POU3F3: variants seen among roughly 807,000 people sequenced by gnomAD.
POU3F3 encodes the protein POU class 3 homeobox 3.
A neutral mutation model predicts 8.6 loss-of-function variants in POU3F3; 1 was observed. That is an observed-to-expected ratio of 0.12 (90% CI 0.04 to 0.55). POU3F3 has a LOEUF of 0.55. Ranked by LOEUF, POU3F3 falls within the 20% of genes least tolerant of loss-of-function variation. The pLI is 0.91. For synonymous variants in POU3F3, 418 were observed against 327.4 expected, an observed-to-expected ratio of 1.28 and a Z score of -2.99; for missense variants, 577 against 690.7, an observed-to-expected ratio of 0.84 and a Z score of 1.84.
the POU3F3 span, among the ~76,000 whole-genome samples, chr2:104,880,291 T>A: frequency 6.6e-6 from 1 of 152,216 alleles, no homozygotes; most frequent in Non-Finnish European, 1.5e-5. Context: ...TCACGTAGTC[T>A]GCAACAATGC....
chr2:104,876,809 G>A, the POU3F3 span, among the ~76,000 whole-genome samples: 4 of 152,326 alleles, frequency 2.6e-5, no homozygotes, highest in South Asian at 8.3e-4. Context: ...GCAAGCCTTG[G>A]CAGAGACCTC....
At chr2:104,870,742 C>G in the POU3F3 span, among the ~76,000 whole-genome samples, 1 of 152,150 alleles carries the variant, frequency 6.6e-6, no homozygotes, top group South Asian at 2.1e-4. Context: ...GAAATTTATT[C>G]CCTTCCTCCC....
At chr2:104,861,729 C>T (rs190057062), downstream of POU3F3, among the ~76,000 whole-genome samples, 303 of 152,334 alleles carry the variant, frequency 2.0e-3, 3 homozygotes, top group Non-Finnish European at 3.9e-3. Context: ...GTTGTTGTTG[C>T]TGCTGCTGCT....
the POU3F3 span, among the ~76,000 whole-genome samples, chr2:104,918,576 C>T: frequency 6.6e-6 from 1 of 152,136 alleles, no homozygotes; most frequent in Non-Finnish European, 1.5e-5. Flanking sequence ...ACAAGGAAGA[C>T]AGACATGGTG....
chr2:104,872,724 A>C, the POU3F3 span: 3 of 209,246 alleles, frequency 1.4e-5, no homozygotes, highest in Middle Eastern at 1.9e-3. This position sits in a 1 kb window ranked among gnomAD's most constrained non-coding sequence, Gnocchi z 4.6. Context: ...CGCGCGGGAA[A>C]GTTCACAGCC....
chr2:104,919,866 G>A, the POU3F3 span, among the ~76,000 whole-genome samples: 1 of 147,540 alleles, frequency 6.8e-6, no homozygotes, highest in Admixed American at 6.8e-5. Context: ...CTCTCTCATT[G>A]TCTGGCTTTG....
At position 104,856,499 on chromosome 2, in the gene POU3F3, A is replaced by G; in HGVS notation, c.989A>G (p.Lys330Arg). Reference sequence around the variant, plus strand: ...CTGGAGCAGTTCGCCAAGCAGTTCAAGCAGCGGCGCATCAAGCTGGGCTTC... The same window carrying G: ...CTGGAGCAGTTCGCCAAGCAGTTCAGGCAGCGGCGCATCAAGCTGGGCTTC... ...DDLEQFAKQF[K>R]QRRIKLGFTQ... Residue 330 changes from lysine to arginine, a missense_variant, in exon 1 of 1, where the codon AAG becomes AGG. By Grantham distance (26) the Lys-to-Arg change is conservative. This residue lies in a region of POU3F3 where 20 missense variants were observed against 107.7 expected (regional missense o/e 0.19). Coordinates refer to ENST00000361360, the MANE Select transcript of POU3F3 (RefSeq NM_006236.3). The G allele has an allele frequency of 6.2e-7, 1 of 1,613,800 alleles. No homozygotes were observed. The highest frequency in any genetic ancestry group is 8.5e-7 in the Non-Finnish European group (1 of 1,179,972).
chr2:104,856,296 G>A lies in POU3F3; in HGVS notation c.786G>A (p.Gly262=), dbSNP rs1021865933. 1.7e-5 allele frequency: 25 copies of A among 1,486,058 alleles called. No homozygotes were observed. The African/African-American group carries it at 2.7e-4, about 16-fold the overall frequency. 92.1% of individuals were successfully genotyped at this position (1,486,058 alleles called of 1,614,324 possible). Residue 262 remains glycine (G), a synonymous_variant, in exon 1 of 1, where the codon GGG becomes GGA. Transcript: ENST00000361360. Reference sequence around the variant, plus strand: ...TGGTGCACCCGGGGCTGGTGCGCGGGGACACGCCAGAGCTGGCCGAGCACC... The same window carrying A: ...TGGTGCACCCGGGGCTGGTGCGCGGAGACACGCCAGAGCTGGCCGAGCACC... ...QSLVHPGLVR[G]DTPELAEHHH...
At chr2:104,915,268 C>T in the POU3F3 span, among the ~76,000 whole-genome samples, 3 of 152,134 alleles carry the variant, frequency 2.0e-5, no homozygotes. Flanking sequence ...ACGGTAAGTC[C>T]TGAAGTTCAG....
the POU3F3 span, chr2:104,866,869 T>C: frequency 6.6e-6 from 1 of 152,274 alleles, no homozygotes; most frequent in Non-Finnish European, 1.5e-5. Flanking sequence ...GTCCATACTT[T>C]ACAATGGTGG....
rs756446613 is a variant in POU3F3, at chr2:104,856,415, G to A, written c.905G>A (p.Gly302Glu). ...PHHGGGGGGAGPGLNSHDPHS... is the reference protein window; with the variant it reads ...PHHGGGGGGAEPGLNSHDPHS... ...CACGGCGGCGGCGGCGGCGGCGCGG[G>A]GCCTGGACTCAACAGCCACGACCCG... is the stretch of plus-strand genomic sequence containing the variant. Residue 302 changes from glycine (G) to glutamate (E), a missense_variant, in exon 1 of 1, where the codon GGG (glycine) becomes GAG (glutamate). Physicochemically the swap from Gly to Glu is moderately conservative, Grantham distance 98. Coordinates refer to ENST00000361360, the MANE Select transcript of POU3F3 (RefSeq NM_006236.3). 6.2e-7 allele frequency: 1 copy of A among 1,600,638 alleles called. No individual in the cohort carries two copies. The highest frequency in any genetic ancestry group is 2.3e-5 in the East Asian group (1 of 44,148).
rs1292257507 is a variant in POU3F3 at position 104,857,111 on chromosome 2, CGCCGCT to C, written c.*104_*109del. The C allele has an allele frequency of 2.1e-6, 2 of 969,424 alleles. No homozygotes were observed. The highest frequency in any genetic ancestry group is 1.8e-5 in the African/African-American group (1 of 56,306). 60.1% of individuals were successfully genotyped at this position (969,424 alleles called of 1,614,324 possible). A position where few individuals can be genotyped will look rare whatever the true frequency, so the allele number is the denominator to read the frequency against. Reference sequence around the variant, plus strand: ...CTGCCGCCGCCGCCGCCGCCGCCGCCGCCGCTGCCGCCGCCGCGCCGACCCTGCACC... The same window carrying C: ...CTGCCGCCGCCGCCGCCGCCGCCGCCGCCGCCGCCGCGCCGACCCTGCACC... On this transcript the variant is annotated 3_prime_UTR_variant, in exon 1 of 1. Coordinates refer to ENST00000361360, the MANE Select transcript of POU3F3 (RefSeq NM_006236.3).
the POU3F3 span, among the ~76,000 whole-genome samples, chr2:104,902,637 C>T: frequency 6.6e-6 from 1 of 152,180 alleles, no homozygotes; most frequent in Admixed American, 6.5e-5. Context: ...CCAGCAGTGA[C>T]TGTGTGCATC....
the POU3F3 span, among the ~76,000 whole-genome samples, chr2:104,923,788 C>G: frequency 6.6e-6 from 1 of 152,184 alleles, no homozygotes; most frequent in Non-Finnish European, 1.5e-5. Context: ...ACAAGAGACT[C>G]ACTTTAGCTC....
At chr2:104,896,040 A>G in the POU3F3 span, among the ~76,000 whole-genome samples, 1 of 152,188 alleles carries the variant, frequency 6.6e-6, no homozygotes, top group African/African-American at 2.4e-5. Flanking sequence ...CTGGGCAGTT[A>G]GCACCGGGAA....
chr2:104,911,062 C>T, the POU3F3 span, among the ~76,000 whole-genome samples: 1 of 151,930 alleles, frequency 6.6e-6, no homozygotes, highest in African/African-American at 2.4e-5. Context: ...ATTTTGATAG[C>T]CCAAGGAGTC....
the POU3F3 span, among the ~76,000 whole-genome samples, chr2:104,873,767 A>G: frequency 6.6e-6 from 1 of 151,988 alleles, no homozygotes; most frequent in Non-Finnish European, 1.5e-5. Flanking sequence ...CCAAAAACAT[A>G]CACACACACT....
At chr2:104,906,073 A>G in the POU3F3 span, among the ~76,000 whole-genome samples, 2 of 152,230 alleles carry the variant, frequency 1.3e-5, no homozygotes, top group African/African-American at 4.8e-5. Flanking sequence ...ATGTAGTTCC[A>G]GTTGGCAATC....
chr2:104,892,120 C>A, the POU3F3 span, among the ~76,000 whole-genome samples: 47 of 152,238 alleles, frequency 3.1e-4, no homozygotes, highest in African/African-American at 1.1e-3. Flanking sequence ...GAGCAGGATG[C>A]CCTGAGCCTT....
Sources: allele counts gnomAD v4.1 joint callset (sites outside exome capture counted in the v4.1 genomes callset), GRCh38; gene constraint gnomAD v4.1.1; regional missense constraint gnomAD v4.1.1; non-coding constraint Gnocchi (gnomAD v3.1); transcripts MANE v1.5; gene names NCBI Gene and HGNC (gene_info 2026-07-23, HGNC 2026-07-21).